Variants in TMEM45A observed in about 807,000 individuals in gnomAD.
The protein encoded by TMEM45A is transmembrane protein 45A.
In TMEM45A, 25 loss-of-function variants were observed where a neutral mutation model predicts 32.0. The ratio of observed to expected loss-of-function variants is 0.78; its 90% CI spans 0.57 to 1.09. The LOEUF is 1.09. Among genes scored for constraint, TMEM45A ranks in the 50% least tolerant of loss-of-function variants. The pLI is 0.00. For synonymous variants in TMEM45A, 122 were observed against 114.8 expected, an observed-to-expected ratio of 1.06 and a Z score of -0.40; for missense variants, 302 against 325.0, an observed-to-expected ratio of 0.93 and a Z score of 0.54.
intron 4 of TMEM45A, among the ~76,000 whole-genome samples, chr3:100,563,251 T>C (rs1180755028): frequency 6.6e-6 from 1 of 152,236 alleles, no homozygotes; most frequent in African/African-American, 2.4e-5. Context: ...TGTCTTCACA[T>C]GGCCTTCTTA....
At chr3:100,541,628 G>A (rs1224946719) in intron 1 of TMEM45A, among the ~76,000 whole-genome samples, 1 of 148,920 alleles carries the variant, frequency 6.7e-6, no homozygotes, top group Non-Finnish European at 1.5e-5. Flanking sequence ...TTCCTGGGAT[G>A]AGGTGATCCT....
intron 1 of TMEM45A, among the ~76,000 whole-genome samples, chr3:100,550,087 C>G (rs1706063141): frequency 6.7e-6 from 1 of 149,284 alleles, no homozygotes; most frequent in Admixed American, 6.7e-5. Context: ...GGAGATATAC[C>G]TAATGCTAGA....
intron 1 of TMEM45A, chr3:100,519,626 G>T (rs1169650320): frequency 6.4e-7 from 1 of 1,550,478 alleles, no homozygotes; most frequent in South Asian, 1.2e-5. Context: ...TGGCGTTTCT[G>T]CAGTAACCTT....
chr3:100,536,984 C>T (rs60610954), intron 1 of TMEM45A, among the ~76,000 whole-genome samples: 1,579 of 152,294 alleles, frequency 0.01, 36 homozygotes, highest in African/African-American at 0.036. Context: ...TGCAATGGCA[C>T]GATCTCGGCT....
chr3:100,555,646 G>A (rs182611199), intron 2 of TMEM45A, among the ~76,000 whole-genome samples: 2 of 152,086 alleles, frequency 1.3e-5, no homozygotes, highest in African/African-American at 2.4e-5. Flanking sequence ...TTTTTTCTTG[G>A]TTCCTAAATT....
rs565362090 is a variant in TMEM45A at position 100,536,743 on chromosome 3, C to A, written c.-3-18466C>A. ...GTCTTCCTCAGGTTAAAAATGGTCTCCTTTCTCTGATGTCTCACATTGTCC... is the reference window on the plus strand; with the variant it reads ...GTCTTCCTCAGGTTAAAAATGGTCTACTTTCTCTGATGTCTCACATTGTCC... On this transcript the variant is annotated intron_variant, in intron 1 of 5. Transcript: ENST00000323523. 3.3e-5 allele frequency among the ~76,000 whole-genome samples: 5 copies of A among 152,296 alleles called. No individual in the cohort carries two copies. The South Asian group carries it at 1.0e-3, about 32-fold the overall frequency.
At chr3:100,503,634 G>A (rs112655714) in intron 1 of TMEM45A, among the ~76,000 whole-genome samples, 2,913 of 152,296 alleles carry the variant, frequency 0.019, 45 homozygotes, top group Non-Finnish European at 0.032. Flanking sequence ...AAGATACTTT[G>A]CAGAAGTGAG....
At chr3:100,522,572 C>T (rs180747837) in intron 1 of TMEM45A, among the ~76,000 whole-genome samples, 1 of 152,166 alleles carries the variant, frequency 6.6e-6, no homozygotes, top group African/African-American at 2.4e-5. Context: ...GCTTCCCAAC[C>T]TTTTTCATGT....
At chr3:100,493,661 T>C (rs1221165243) in intron 1 of TMEM45A, among the ~76,000 whole-genome samples, 1 of 152,020 alleles carries the variant, frequency 6.6e-6, no homozygotes. Flanking sequence ...CACTATGCTA[T>C]ATGGTGTATA....
In TMEM45A at chr3:100,555,370, G is replaced by C. The variant is rs779274823; in HGVS notation, c.159G>C (p.Glu53Asp). The part of the protein sequence containing the change: ...KTLFYRLEIL[E>D]GITIVGMALT... ...TATTCTATCGATTGGAAATTTTGGA[G>C]GGAATTACAATAGTTGGCATGGCTT... The change falls in exon 2 of 6, where the codon GAG becomes GAC. Residue 53 changes from glutamate (E) to aspartate (D), a missense_variant. Physicochemically the swap from Glu to Asp is conservative, Grantham distance 45. Transcript: ENST00000323523. 1.9e-6 allele frequency: 3 copies of C among 1,613,758 alleles called. No individual in the cohort carries two copies. In the African/African-American group the frequency reaches 4.0e-5, roughly 22 times the overall value.
chr3:100,564,017 A>G (rs1460913956), intron 4 of TMEM45A, among the ~76,000 whole-genome samples: 1 of 152,230 alleles, frequency 6.6e-6, no homozygotes, highest in Non-Finnish European at 1.5e-5. Context: ...TGGGTGAGGC[A>G]CAGCGGCAGT....
At chr3:100,500,957 T>C (rs1237574192) in intron 1 of TMEM45A, among the ~76,000 whole-genome samples, 1 of 152,230 alleles carries the variant, frequency 6.6e-6, no homozygotes, top group Non-Finnish European at 1.5e-5. Flanking sequence ...TTAAAAATTA[T>C]GCTTATGGAA....
chr3:100,517,277 C>T (rs557076336), intron 1 of TMEM45A, among the ~76,000 whole-genome samples: 4 of 152,154 alleles, frequency 2.6e-5, no homozygotes, highest in South Asian at 2.1e-4. Flanking sequence ...CCACCACGCC[C>T]GATTAATTTT....
chr3:100,577,280 A>C lies in TMEM45A; in HGVS notation c.*262A>C. On this transcript the variant is annotated 3_prime_UTR_variant, in exon 6 of 6. Transcript: ENST00000323523. ...AGTGATTTTTTTCCAGATTATCTAA[A>C]GTTGGATGCCCACACTATGAAAGAA... 1 of 326,108 alleles carries C rather than the reference A, an allele frequency of 3.1e-6. No homozygotes were observed. Among genetic ancestry groups the C allele is most frequent in the Non-Finnish European group, 5.6e-6 (1 of 179,694 alleles). 20.2% of individuals were successfully genotyped at this position (326,108 alleles called of 1,614,324 possible).
At chr3:100,576,018 A>G (rs1706677369) in intron 5 of TMEM45A, among the ~76,000 whole-genome samples, 1 of 152,164 alleles carries the variant, frequency 6.6e-6, no homozygotes, top group Non-Finnish European at 1.5e-5. Flanking sequence ...TTGTTTTAGA[A>G]ATGATCAAAG....
chr3:100,494,691 T>C (rs886621555), intron 1 of TMEM45A, among the ~76,000 whole-genome samples: 7 of 151,916 alleles, frequency 4.6e-5, no homozygotes, highest in Non-Finnish European at 7.4e-5. Flanking sequence ...ACAAAGTGGA[T>C]GGAGCAGCTG....
intron 1 of TMEM45A, among the ~76,000 whole-genome samples, chr3:100,503,746 C>T (rs575882438): frequency 2.6e-5 from 4 of 152,312 alleles, no homozygotes; most frequent in Admixed American, 1.3e-4. Context: ...AACCTCTTCT[C>T]AGGCTTCTTC....
chr3:100,516,595 T>A (rs1708265246), intron 1 of TMEM45A, among the ~76,000 whole-genome samples: 1 of 152,152 alleles, frequency 6.6e-6, no homozygotes. Flanking sequence ...CTTCCTTTTC[T>A]CCCCAGACTC....
At chr3:100,519,411 A>G (rs1013336887) in intron 1 of TMEM45A, 6 of 662,604 alleles carry the variant, frequency 9.1e-6, no homozygotes, top group Non-Finnish European at 1.3e-5. Flanking sequence ...GTGTGTGTGT[A>G]AAACTGACTG....
Sources: allele counts gnomAD v4.1 joint callset (sites outside exome capture counted in the v4.1 genomes callset), GRCh38; gene constraint gnomAD v4.1.1; transcripts MANE v1.5; gene names NCBI Gene and HGNC (gene_info 2026-07-23, HGNC 2026-07-21).